The following PRDM6 variants were observed in gnomAD, a reference collection of about 807,000 sequenced individuals.
PRDM6 encodes the protein putative histone-lysine N-methyltransferase PRDM6.
Under a neutral mutation model 60.8 loss-of-function variants are expected in PRDM6, and 25 were observed. The ratio of observed to expected loss-of-function variants is 0.41; its 90% CI spans 0.30 to 0.57. The LOEUF (loss-of-function observed/expected upper bound fraction) is 0.57. Among genes scored for constraint, PRDM6 ranks in the 20% least tolerant of loss-of-function variants. PRDM6 has a pLI of 0.27. For synonymous variants in PRDM6, 407 were observed against 357.4 expected (o/e 1.14, Z -1.57); for missense variants, 839 against 821.3 (o/e 1.02, Z -0.26).
rs528580040 is a variant in PRDM6 at position 123,191,566 on chromosome 5, C to T, written c.*4365C>T. The stretch of plus-strand genomic sequence containing the variant: ...TCCTGACATCAGATTTTAAAAGATA[C>T]TGAGATATATGCTTCTTTAAATGAT... On this transcript the variant is annotated 3_prime_UTR_variant, in exon 8 of 8. Coordinates refer to ENST00000407847, the MANE Select transcript of PRDM6 (RefSeq NM_001136239.4). 6.6e-6 allele frequency: 1 copy of T among 152,256 alleles called. No homozygotes were observed. Among genetic ancestry groups the T allele is most frequent in the African/African-American group, 2.4e-5 (1 of 41,542 alleles). 9.4% of individuals were successfully genotyped at this position (152,256 alleles called of 1,614,324 possible).
At chr5:123,114,002 A>G (rs1764373707) in intron 3 of PRDM6, among the ~76,000 whole-genome samples, 2 of 152,248 alleles carry the variant, frequency 1.3e-5, no homozygotes, top group Admixed American at 1.3e-4. Context: ...TTTCAAAGAT[A>G]GTAAAGTAGT....
rs936374745 is a variant in PRDM6 at position 123,089,860 on chromosome 5, T to C, written c.-15-140T>C. On this transcript the variant is annotated intron_variant, in intron 1 of 7. Transcript: ENST00000407847. ...GAGTAAACTTTGCGCCCAAGCGGAG[T>C]TGGGAAGAGGGAGCCGCGGAACCGG... 5 of 629,630 alleles carry C rather than the reference T, an allele frequency of 7.9e-6. No individual in the cohort carries two copies. The East Asian group carries it at 1.2e-4, about 16-fold the overall frequency. The allele number at this position is 629,630 out of a possible 1,614,324, so 39.0% of individuals were successfully genotyped here.
rs1430229786 is a variant in PRDM6, at chr5:123,192,487, C to T, written c.*5286C>T. 6 of 139,838 alleles carry T rather than the reference C, an allele frequency of 4.3e-5. No individual in the cohort carries two copies. The highest frequency in any genetic ancestry group is 1.3e-4 in the African/African-American group (5 of 39,822). 8.7% of individuals were successfully genotyped at this position (139,838 alleles called of 1,614,324 possible). A position where few individuals can be genotyped will look rare whatever the true frequency, so the allele number is the denominator to read the frequency against. ...ACAATACTGAAGTGCTATTAAAACA[C>T]GTATCATTATAGATGCTGATTTTGT... On this transcript the variant is annotated 3_prime_UTR_variant, in exon 8 of 8. Transcript: ENST00000407847.
chr5:123,168,317 A>G (rs57256120), intron 5 of PRDM6, among the ~76,000 whole-genome samples: 35,696 of 152,098 alleles, frequency 0.23, 4,581 homozygotes, highest in Middle Eastern at 0.33. Flanking sequence ...ACACAAAACA[A>G]TGTACTAGCT....
At chr5:123,173,985 G>A (rs570403157) in intron 6 of PRDM6, among the ~76,000 whole-genome samples, 36 of 152,318 alleles carry the variant, frequency 2.4e-4, no homozygotes, top group African/African-American at 7.7e-4. Flanking sequence ...CAGTAGCTAC[G>A]TTTGGAACCT....
intron 3 of PRDM6, among the ~76,000 whole-genome samples, chr5:123,105,122 C>T (rs989716521): frequency 2.0e-5 from 3 of 152,224 alleles, no homozygotes; most frequent in Admixed American, 6.5e-5. Flanking sequence ...TTATTTTTCT[C>T]ATTAGTTCAG....
intron 5 of PRDM6, among the ~76,000 whole-genome samples, chr5:123,169,408 A>C (rs1270325046): frequency 6.6e-6 from 1 of 151,930 alleles, no homozygotes; most frequent in Non-Finnish European, 1.5e-5. Flanking sequence ...CACTGCCACC[A>C]CCCCAGTTTA....
intron 5 of PRDM6, among the ~76,000 whole-genome samples, chr5:123,169,168 A>C (rs1765828099): frequency 6.6e-6 from 1 of 152,222 alleles, no homozygotes; most frequent in Non-Finnish European, 1.5e-5. Context: ...CCACCTGGTA[A>C]CTTTAATCTC....
intron 3 of PRDM6, among the ~76,000 whole-genome samples, chr5:123,112,868 A>C (rs941683932): frequency 7.4e-6 from 1 of 134,782 alleles, no homozygotes; most frequent in African/African-American, 2.8e-5. Context: ...GAAGTCAATC[A>C]TTAGTGCCAC....
At chr5:123,123,910 G>A (rs1764637346) in intron 3 of PRDM6, among the ~76,000 whole-genome samples, 1 of 152,216 alleles carries the variant, frequency 6.6e-6, no homozygotes, top group South Asian at 2.1e-4. Context: ...TGAGGTATGG[G>A]TGGAGAAAGG....
In PRDM6 at chr5:123,099,152, T is replaced by A. The variant is rs1199851221; in HGVS notation, c.593-502T>A. Among the ~76,000 whole-genome samples the A allele has an allele frequency of 2.0e-5, 3 of 152,014 alleles. No individual in the cohort carries two copies. The highest frequency in any genetic ancestry group is 4.4e-5 in the Non-Finnish European group (3 of 68,012). On this transcript the variant is annotated intron_variant, in intron 2 of 7. Transcript: ENST00000407847. The surrounding 1 kb of genome is among the most constrained non-coding windows in gnomAD (Gnocchi z 4.0). ...GAATACCCAGACGACCAGTATAGAA[T>A]CTCTTCGAGACAGCAGATTGGGCAA... is the stretch of plus-strand genomic sequence containing the variant.
chr5:123,099,328 G>A lies in PRDM6; in HGVS notation c.593-326G>A, dbSNP rs1474938488. ...ACAGAGGGAGAGATGCAGAGAGACT[G>A]AAACGGGAGGAAGAAGCCTGGAACT... On this transcript the variant is annotated intron_variant, in intron 2 of 7. Transcript: ENST00000407847. The surrounding 1 kb of genome is among the most constrained non-coding windows in gnomAD (Gnocchi z 4.0). Among the ~76,000 whole-genome samples the A allele has an allele frequency of 1.3e-5, 2 of 152,202 alleles. No homozygotes were observed. Among genetic ancestry groups the A allele is most frequent in the Admixed American group, 6.5e-5 (1 of 15,288 alleles).
intron 3 of PRDM6, among the ~76,000 whole-genome samples, chr5:123,146,118 C>T (rs561108383): frequency 6.6e-6 from 1 of 152,328 alleles, no homozygotes; most frequent in East Asian, 1.9e-4. Context: ...TCTAACATAG[C>T]AGTTTGCACC....
At chr5:123,107,357 A>G (rs1764218422) in intron 3 of PRDM6, among the ~76,000 whole-genome samples, 1 of 152,232 alleles carries the variant, frequency 6.6e-6, no homozygotes. Flanking sequence ...TAATTTTAGA[A>G]GGCCTAATAC....
At position 123,166,613 on chromosome 5, in the gene PRDM6, T is replaced by G. The variant is rs551505331; in HGVS notation, c.1154-4153T>G. Among the ~76,000 whole-genome samples the G allele has an allele frequency of 5.9e-5, 9 of 152,250 alleles. No individual in the cohort carries two copies. The South Asian group carries it at 1.7e-3, about 28-fold the overall frequency. ...TTAATAACTGTCTTTCCCACTAGAG[T>G]TTATGTGCCAGAGGGCAGTGACTTT... On this transcript the variant is annotated intron_variant, in intron 5 of 7. Coordinates refer to ENST00000407847, the MANE Select transcript of PRDM6 (RefSeq NM_001136239.4).
chr5:123,169,557 G>A (rs894821125), intron 5 of PRDM6, among the ~76,000 whole-genome samples: 5 of 152,164 alleles, frequency 3.3e-5, no homozygotes, highest in Non-Finnish European at 4.4e-5. Flanking sequence ...AGGATGCTAA[G>A]GCTCATAGGG....
chr5:123,090,419 G>A lies in PRDM6; in HGVS notation c.405G>A (p.Lys135=). ...AAVAAEPLPP[K]ELCLGATSGP... is the part of the protein sequence containing the mutation. ...TCGCCGCCGAGCCGCTGCCCCCCAA[G>A]GAACTGTGCCTCGGCGCCACCTCCG... The change falls in exon 2 of 8, where the codon AAG becomes AAA. Residue 135 remains lysine, a synonymous_variant. Transcript: ENST00000407847. The A allele has an allele frequency of 6.9e-7, 1 of 1,456,804 alleles. No individual in the cohort carries two copies. Among genetic ancestry groups the A allele is most frequent in the Non-Finnish European group, 9.0e-7 (1 of 1,113,220 alleles). 90.2% of individuals were successfully genotyped at this position (1,456,804 alleles called of 1,614,324 possible).
chr5:123,135,050 T>G (rs1764925107), intron 3 of PRDM6, among the ~76,000 whole-genome samples: 1 of 151,070 alleles, frequency 6.6e-6, no homozygotes, highest in African/African-American at 2.4e-5. Flanking sequence ...ATTAAAAACT[T>G]TTGCTGAAAG....
At chr5:123,132,653 G>C (rs1018016574) in intron 3 of PRDM6, among the ~76,000 whole-genome samples, 6 of 152,126 alleles carry the variant, frequency 3.9e-5, no homozygotes, top group Admixed American at 6.5e-5. Context: ...GCCTACACAA[G>C]ATAATTTCCA....
Sources: allele counts gnomAD v4.1 joint callset (sites outside exome capture counted in the v4.1 genomes callset), GRCh38; gene constraint gnomAD v4.1.1; non-coding constraint Gnocchi (gnomAD v3.1); transcripts MANE v1.5; gene names NCBI Gene and HGNC (gene_info 2026-07-23, HGNC 2026-07-21).